Variants in PIR observed in about 807,000 individuals in gnomAD.
The protein encoded by PIR is pirin, also known as pirin (iron-binding nuclear protein).
PIR carries 22 observed loss-of-function variants against 24.2 expected under a neutral mutation model. The observed-to-expected ratio is 0.91, with a 90% CI of 0.65 to 1.30. PIR has a LOEUF of 1.30. Among genes scored for constraint, PIR ranks in the 50% most tolerant of loss-of-function variants. The pLI, the probability that PIR is intolerant of heterozygous loss-of-function variation, is 0.00. For missense variants in PIR, 220 were observed against 220.3 expected (o/e 1.00, Z 0.01); for synonymous variants, 80 against 79.6 (o/e 1.00, Z -0.03).
chrX:15,385,494 G>T (rs1223910029), intron 9 of PIR, among the ~76,000 whole-genome samples: 1 of 112,086 alleles, frequency 8.9e-6, no homozygotes, highest in Non-Finnish European at 1.9e-5. Context: ...CTGATACAAA[G>T]AACTGACAAA....
At chrX:15,478,610 T>C (rs6632666) in intron 3 of PIR, 27,469 of 111,298 alleles carry the variant, frequency 0.25, 2,686 homozygotes, top group East Asian at 0.51. Flanking sequence ...AATGGCTAAA[T>C]GAGGAAGGGA....
chrX:15,401,997 C>T (rs1372364039), intron 7 of PIR, among the ~76,000 whole-genome samples: 1 of 112,358 alleles, frequency 8.9e-6, no homozygotes, highest in Non-Finnish European at 1.9e-5. Context: ...CAAACTGCTT[C>T]AAACATTTTA....
chrX:15,464,845 G>T (rs1921478373), intron 3 of PIR, among the ~76,000 whole-genome samples: 1 of 111,771 alleles, frequency 8.9e-6, no homozygotes, highest in Non-Finnish European at 1.9e-5. Context: ...GCTCCCTTTT[G>T]GGCTCTCAAA....
rs186112098 is a variant in PIR at position 15,422,647 on chromosome X, A to G, written c.565+3259T>C. On this transcript the variant is annotated intron_variant, in intron 6 of 9. Transcript: ENST00000380420. The stretch of plus-strand genomic sequence containing the variant: ...AAGAATTGAAAAATCTATACAAGGA[A>G]AACTATAAAACACTGATGATAGAAA... 3.8e-3 allele frequency among the ~76,000 whole-genome samples: 419 copies of G among 111,414 alleles called. 3 individuals carry two copies. Among genetic ancestry groups the G allele is most frequent in the African/African-American group, 0.013 (411 of 30,476 alleles).
At chrX:15,437,015 A>G (rs1014656178) in intron 5 of PIR, among the ~76,000 whole-genome samples, 2 of 112,159 alleles carry the variant, frequency 1.8e-5, no homozygotes, top group African/African-American at 6.5e-5. Flanking sequence ...GCTTCCTTCC[A>G]TGAAAATGAG....
chrX:15,390,778 A>G (rs1160346871), intron 8 of PIR, among the ~76,000 whole-genome samples: 1 of 111,910 alleles, frequency 8.9e-6, no homozygotes. Flanking sequence ...CTATTACGTT[A>G]AAGTCTCTAA....
chrX:15,412,638 C>T (rs1036644572), intron 6 of PIR, among the ~76,000 whole-genome samples: 3 of 111,502 alleles, frequency 2.7e-5, no homozygotes, highest in African/African-American at 9.8e-5. Context: ...CAGGACAAGC[C>T]CAAACTTCTG....
At position 15,390,327 on chromosome X, in the gene PIR, G is replaced by C. The variant is rs991022122; in HGVS notation, c.694-76C>G. On this transcript the variant is annotated intron_variant, in intron 8 of 9. Coordinates refer to ENST00000380420, the MANE Select transcript of PIR (RefSeq NM_001018109.3). The stretch of plus-strand genomic sequence containing the variant: ...ATCAAATTGTGAACAATTTGAAATT[G>C]ACATGCTAGCCAAATAGGCGATGTT... The C allele has an allele frequency of 2.4e-5, 14 of 577,256 alleles. No individual in the cohort carries two copies. In the Admixed American group the frequency reaches 4.4e-4, roughly 18 times the overall value. The allele number at this position is 577,256 out of a possible 1,213,427, so 47.6% of individuals were successfully genotyped here.
chrX:15,485,046 T>C (rs1922738176), intron 2 of PIR, among the ~76,000 whole-genome samples: 1 of 112,132 alleles, frequency 8.9e-6, no homozygotes, highest in African/African-American at 3.2e-5. Flanking sequence ...AAATGACCAT[T>C]TCACCATTTA....
intron 5 of PIR, among the ~76,000 whole-genome samples, chrX:15,443,248 C>A (rs1925979500): frequency 9.0e-6 from 1 of 111,650 alleles, no homozygotes; most frequent in African/African-American, 3.3e-5. Flanking sequence ...CTGTGTACAG[C>A]ATGGTTTGCT....
At position 15,491,226 on chromosome X, in the gene PIR, A is replaced by G; in HGVS notation, c.32T>C (p.Val11Ala). Reference protein sequence around the residue: MGSSKKVTLSVLSREQSEGVG... With the variant: MGSSKKVTLSALSREQSEGVG... ...CCCTTCCGACTGCTCCCGGCTGAGC[A>G]CTGAGAGAGTAACTTTCTTGGAGGA... is the stretch of plus-strand genomic sequence containing the variant. Residue 11 changes from valine to alanine, a missense_variant, in exon 2 of 10, where the codon GTG (valine) becomes GCG (alanine). Transcript: ENST00000380420. 1.7e-6 allele frequency: 2 copies of G among 1,206,625 alleles called. No individual in the cohort carries two copies. The highest frequency in any genetic ancestry group is 3.5e-5 in the African/African-American group (2 of 57,507).
intron 5 of PIR, chrX:15,429,651 T>G (rs1169624590): frequency 9.0e-6 from 1 of 111,718 alleles, no homozygotes; most frequent in Non-Finnish European, 1.9e-5. Flanking sequence ...GGTCAGATGA[T>G]AGAGATCATC....
At chrX:15,417,768 A>T (rs1924974428) in intron 6 of PIR, among the ~76,000 whole-genome samples, 1 of 110,813 alleles carries the variant, frequency 9.0e-6, no homozygotes, top group Non-Finnish European at 1.9e-5. Flanking sequence ...AAAACCAGTA[A>T]TCACATCACT....
At chrX:15,442,137 T>C (rs1925936128) in intron 5 of PIR, among the ~76,000 whole-genome samples, 1 of 110,826 alleles carries the variant, frequency 9.0e-6, no homozygotes, top group Non-Finnish European at 1.9e-5. Context: ...ATGGGTGTCA[T>C]TTTTCCAACA....
chrX:15,489,621 C>G (rs990288677), intron 2 of PIR, among the ~76,000 whole-genome samples: 2 of 111,928 alleles, frequency 1.8e-5, no homozygotes, highest in African/African-American at 6.5e-5. Flanking sequence ...ACTCCCTGTG[C>G]ATTTAGCCAT....
In PIR at chrX:15,483,069, T is replaced by G. The variant is rs192908004; in HGVS notation, c.97-3248A>C. Among the ~76,000 whole-genome samples the G allele has an allele frequency of 3.2e-3, 345 of 108,900 alleles. 1 individual carries two copies. The highest frequency in any genetic ancestry group is 0.011 in the African/African-American group (323 of 29,920). 94.6% of individuals were successfully genotyped at this position (108,900 alleles called of 115,157 possible). A position where few individuals can be genotyped will look rare whatever the true frequency, so the allele number is the denominator to read the frequency against. On this transcript the variant is annotated intron_variant, in intron 2 of 9. Transcript: ENST00000380420. ...TCTACTCTGTCATATTACTAGAAAT[T>G]AAAGTATGAAACTTTCTCATTCTCC...
intron 7 of PIR, among the ~76,000 whole-genome samples, chrX:15,398,447 G>A (rs1219485373): frequency 9.0e-6 from 1 of 111,218 alleles, no homozygotes; most frequent in Admixed American, 9.6e-5. Flanking sequence ...TTGTTGTGGA[G>A]GAGGTAAGAC....
At chrX:15,420,069 C>T (rs1268189340) in intron 6 of PIR, among the ~76,000 whole-genome samples, 4 of 105,707 alleles carry the variant, frequency 3.8e-5, no homozygotes, top group Admixed American at 1.0e-4. Flanking sequence ...TGGTGGCATG[C>T]GCCTGTAGTC....
In PIR at chrX:15,491,318, AG is replaced by A; in HGVS notation, c.-52-10del. On this transcript the variant is annotated splice_polypyrimidine_tract_variant and intron_variant, in intron 1 of 9. Coordinates refer to ENST00000380420, the MANE Select transcript of PIR (RefSeq NM_001018109.3). ...CTGTAGAGGATGGAGGGCTAAAGGA[AG>A]GACAACAAAAAAAAAAGAAGTCATA... 1.4e-6 allele frequency: 1 copy of A among 738,093 alleles called. No homozygotes were observed. The highest frequency in any genetic ancestry group is 2.2e-5 in the African/African-American group (1 of 46,356). The allele number at this position is 738,093 out of a possible 1,213,427, so 60.8% of individuals were successfully genotyped here.
Sources: allele counts gnomAD v4.1 joint callset (sites outside exome capture counted in the v4.1 genomes callset), GRCh38; gene constraint gnomAD v4.1.1; transcripts MANE v1.5; gene names NCBI Gene and HGNC (gene_info 2026-07-23, HGNC 2026-07-21).